MED24: variants seen among roughly 807,000 people sequenced by gnomAD.
The protein encoded by MED24 is mediator of RNA polymerase II transcription subunit 24.
Under a neutral mutation model 118.8 loss-of-function variants are expected in MED24, and 74 were observed. The observed-to-expected ratio is 0.62, with a 90% confidence interval of 0.52 to 0.76. The LOEUF (loss-of-function observed/expected upper bound fraction) is 0.76, where lower values mean the gene tolerates loss of function less well. Among genes scored for constraint, MED24 ranks in the 30% least tolerant of loss-of-function variants. The pLI is 0.00. For synonymous variants in MED24, 521 were observed against 523.9 expected, an observed-to-expected ratio of 0.99 and a Z score of 0.08; for missense variants, 1,041 against 1,278.9, an observed-to-expected ratio of 0.81 and a Z score of 2.84.
At chr17:40,046,768 A>T (rs1394074624) in intron 3 of MED24, among the ~76,000 whole-genome samples, 1 of 151,108 alleles carries the variant, frequency 6.6e-6, no homozygotes, top group African/African-American at 2.4e-5. Flanking sequence ...GAAGAAGAAG[A>T]ATGAGGCCAG....
In MED24 at chr17:40,023,119, C is replaced by G; in HGVS notation, c.2250+12G>C. On this transcript the variant is annotated intron_variant, in intron 20 of 25. Transcript: ENST00000394128. ...GACCCATGTCGGCCCACAGCCACTC[C>G]AGCCCAAGTACCTTAATCAGGTTGT... is the stretch of plus-strand genomic sequence containing the variant. 6.2e-7 allele frequency: 1 copy of G among 1,608,072 alleles called. No individual in the cohort carries two copies. Among genetic ancestry groups the G allele is most frequent in the South Asian group, 1.1e-5 (1 of 90,380 alleles).
At chr17:40,032,557 C>T in intron 9 of MED24, 92 bp downstream of exon 9, 1 of 968,020 alleles carries the variant, frequency 1.0e-6, no homozygotes, top group South Asian at 1.6e-5. Flanking sequence ...CCAGTGCCCG[C>T]AGGGAGGAAC....
intron 16 of MED24, 124 bp downstream of exon 16, chr17:40,027,259 C>A: frequency 8.0e-7 from 1 of 1,245,772 alleles, no homozygotes; most frequent in Non-Finnish European, 1.1e-6. Flanking sequence ...GGGTGGGCAC[C>A]TGGTTTCTGA....
At chr17:40,032,509 C>A in intron 9 of MED24, 140 bp downstream of exon 9, 1 of 649,686 alleles carries the variant, frequency 1.5e-6, no homozygotes, top group Non-Finnish European at 2.7e-6. Flanking sequence ...AGAAAATGAT[C>A]AATGGGAACT....
At chr17:40,051,196 A>T (rs1327091331) in intron 3 of MED24, among the ~76,000 whole-genome samples, 1 of 151,520 alleles carries the variant, frequency 6.6e-6, no homozygotes, top group Non-Finnish European at 1.5e-5. Context: ...CTGTAATCCC[A>T]GCTACTTGGG....
At position 40,019,654 on chromosome 17, in the gene MED24, G is replaced by T. The variant is rs77975601; in HGVS notation, c.2854-9C>A. On this transcript the variant is annotated splice_polypyrimidine_tract_variant and intron_variant, in intron 25 of 25. Transcript: ENST00000394128. Reference sequence around the variant, plus strand: ...TTCACCAGTTCCGACACCTGCCACGGACAGACAGATGCTGCTTGCGGGACG... The same window carrying T: ...TTCACCAGTTCCGACACCTGCCACGTACAGACAGATGCTGCTTGCGGGACG... The T allele has an allele frequency of 2.0e-3, 3,105 of 1,588,578 alleles. 61 individuals carry two copies. The African/African-American group carries it at 0.037, about 19-fold the overall frequency.
intron 10 of MED24, 118 bp from the exon 11 acceptor site, chr17:40,031,738 C>G (rs1293903629): frequency 2.1e-6 from 2 of 967,548 alleles, no homozygotes; most frequent in Non-Finnish European, 3.2e-6. Flanking sequence ...CTGCCTGGAG[C>G]CTGGGTGTAT....
chr17:40,029,862 G>A lies in MED24; in HGVS notation c.1155-3C>T, dbSNP rs939997484. 4.3e-6 allele frequency: 7 copies of A among 1,613,756 alleles called. No homozygotes were observed. In the African/African-American group the frequency reaches 8.0e-5, roughly 18 times the overall value. ...GTGCGTGCTCTCGGTCCGCTTTGCTGTGGACATCACCAGTTGGCCAAGGAA... is the reference window on the plus strand; with the variant it reads ...GTGCGTGCTCTCGGTCCGCTTTGCTATGGACATCACCAGTTGGCCAAGGAA... On this transcript the variant is annotated splice_region_variant and splice_polypyrimidine_tract_variant and intron_variant, in intron 12 of 25. Transcript: ENST00000394128.
At chr17:40,020,212 C>A in intron 24 of MED24, 61 bp downstream of exon 24, 1 of 1,420,908 alleles carries the variant, frequency 7.0e-7, no homozygotes, top group Non-Finnish European at 9.4e-7. Flanking sequence ...TCCCAGCCTC[C>A]ATGAGAAGAG....
At chr17:40,020,907 T>C (rs1006511696) in intron 23 of MED24, among the ~76,000 whole-genome samples, 1 of 151,958 alleles carries the variant, frequency 6.6e-6, no homozygotes, top group African/African-American at 2.4e-5. Flanking sequence ...ACCCCGTCTC[T>C]ACTAAAAATA....
At chr17:40,022,606 G>A in intron 21 of MED24, 39 bp downstream of exon 21, 9 of 1,610,122 alleles carry the variant, frequency 5.6e-6, no homozygotes, top group Non-Finnish European at 6.8e-6. Context: ...GCTTGACCCT[G>A]GGTGGCCGGA....
intron 14 of MED24, among the ~76,000 whole-genome samples, chr17:40,028,396 G>A (rs964153387): frequency 6.6e-6 from 1 of 152,136 alleles, no homozygotes; most frequent in African/African-American, 2.4e-5. Flanking sequence ...TTACAGGCGT[G>A]AGCCACCGCA....
rs1039991523 is a variant in MED24, at chr17:40,023,646, G to C, written c.1986-251C>G. 1.4e-5 allele frequency: 6 copies of C among 441,704 alleles called. No homozygotes were observed. In the Admixed American group the frequency reaches 2.4e-4, roughly 18 times the overall value. The allele number at this position is 441,704 out of a possible 1,614,324, so 27.4% of individuals were successfully genotyped here. The stretch of plus-strand genomic sequence containing the variant: ...CTGGGGAGGGACTTTCCTCCCCCTG[G>C]CCATTCCAGCCAGATATTCACATTT... On this transcript the variant is annotated intron_variant, in intron 19 of 25. Transcript: ENST00000394128.
intron 3 of MED24, 25 bp from the exon 4 acceptor site, chr17:40,036,179 C>A: frequency 6.3e-7 from 1 of 1,596,656 alleles, no homozygotes; most frequent in East Asian, 2.2e-5. Context: ...GAAAGATAAT[C>A]TTTAGACAAC....
chr17:40,051,136 CAAAAA>C (rs1224890104), intron 3 of MED24, among the ~76,000 whole-genome samples: 1 of 81,760 alleles, frequency 1.2e-5, no homozygotes, highest in Non-Finnish European at 2.3e-5. Flanking sequence ...GACTCTGTCT[CAAAAA>C]AAAAAAAAAA....
In MED24 at chr17:40,023,273, G is replaced by A; in HGVS notation, c.2108C>T (p.Pro703Leu). The change falls in exon 20 of 26, where the codon CCC (proline) becomes CTC (leucine). Residue 703 changes from proline to leucine, a missense_variant. Pro to Leu is a moderately conservative substitution (Grantham distance 98). Coordinates refer to ENST00000394128, the MANE Select transcript of MED24 (RefSeq NM_014815.4). ...DTMPYWNLLP[P>L]KRPIKEVLTD... ...CAGCACCTCTTTGATGGGCCGCTTG[G>A]GGGGCAGCAGGTTCCAGTAGGGCAT... The A allele has an allele frequency of 6.2e-7, 1 of 1,614,128 alleles. No homozygotes were observed. Among genetic ancestry groups the A allele is most frequent in the Non-Finnish European group, 8.5e-7 (1 of 1,179,998 alleles).
intron 3 of MED24, among the ~76,000 whole-genome samples, chr17:40,045,925 A>G (rs1239006340): frequency 1.4e-5 from 2 of 146,318 alleles, no homozygotes; most frequent in African/African-American, 2.5e-5. Flanking sequence ...CTACACGTGC[A>G]TGCCACCACA....
intron 3 of MED24, among the ~76,000 whole-genome samples, chr17:40,042,564 T>G (rs1422198148): frequency 6.6e-6 from 1 of 152,060 alleles, no homozygotes; most frequent in Non-Finnish European, 1.5e-5. Context: ...TCCCAGCTAC[T>G]TGGGAGGCTG....
intron 9 of MED24, 61 bp from the exon 10 acceptor site, chr17:40,032,151 C>A (rs771874560): frequency 6.3e-7 from 1 of 1,575,942 alleles, no homozygotes; most frequent in South Asian, 1.1e-5. Context: ...TCATCTACCC[C>A]TGAAGGCATC....
Sources: gnomAD v4.1 joint callset for allele counts (sites outside exome capture counted in the v4.1 genomes callset) on GRCh38, gnomAD v4.1.1 for gene constraint, MANE v1.5 for transcripts, NCBI Gene and HGNC (gene_info 2026-07-23, HGNC 2026-07-21) for gene names.